The following DCC variants were observed in gnomAD, a reference collection of about 807,000 sequenced individuals.
DCC encodes the protein netrin receptor DCC.
DCC carries 58 observed loss-of-function variants against 172.5 expected under a neutral mutation model. The ratio of observed to expected loss-of-function variants is 0.34; its 90% CI spans 0.27 to 0.42. The LOEUF is 0.42. Among genes scored for constraint, DCC ranks in the 10% least tolerant of loss-of-function variants. The probability of loss-of-function intolerance (pLI) is 1.00; values close to 1 mark genes in which losing one functional copy is unlikely to be tolerated. For synonymous variants in DCC, 709 were observed against 644.5 expected (o/e 1.10, Z -1.52); for missense variants, 1,740 against 1,791.0 (o/e 0.97, Z 0.51).
At chr18:53,521,794 A>T (rs930929498) in intron 27 of DCC, among the ~76,000 whole-genome samples, 9 of 152,150 alleles carry the variant, frequency 5.9e-5, no homozygotes, top group Non-Finnish European at 1.2e-4. Flanking sequence ...TGAAAAATTT[A>T]AAATAAAATA....
At position 52,815,773 on chromosome 18, in the gene DCC, A is replaced by G. The variant is rs148158873; in HGVS notation, c.412+63399A>G. ...AGTAATAATGATTTATTAGATAACT[A>G]TGATATATCTCCAATGATATAGGAC... is the stretch of plus-strand genomic sequence containing the variant. On this transcript the variant is annotated intron_variant, in intron 2 of 28. Transcript: ENST00000442544. Among the ~76,000 whole-genome samples the G allele has an allele frequency of 1.1e-4, 16 of 152,340 alleles. No homozygotes were observed. In the East Asian group the frequency reaches 1.3e-3, roughly 13 times the overall value.
At chr18:53,307,305 T>A (rs1568044715) in intron 13 of DCC, among the ~76,000 whole-genome samples, 2 of 152,136 alleles carry the variant, frequency 1.3e-5, no homozygotes, top group Non-Finnish European at 2.9e-5. Flanking sequence ...ATGTTTTTCT[T>A]TTTCCCCTGA....
chr18:53,128,864 C>CATATATAT (rs1253869249), intron 7 of DCC, among the ~76,000 whole-genome samples: 7 of 72,120 alleles, frequency 9.7e-5, no homozygotes, highest in African/African-American at 3.4e-4. Flanking sequence ...CACACACACA[C>CATATATAT]ACACACATAT....
intron 15 of DCC, among the ~76,000 whole-genome samples, chr18:53,358,527 TCTC>T (rs1333393879): frequency 4.9e-5 from 6 of 121,452 alleles, no homozygotes; most frequent in Non-Finnish European, 1.0e-4. Context: ...ATATTCTCTC[TCTC>T]TTTTTTTTTT....
intron 7 of DCC, among the ~76,000 whole-genome samples, chr18:53,122,801 G>A (rs17406589): frequency 0.12 from 17,496 of 152,038 alleles, 1,135 homozygotes; most frequent in African/African-American, 0.13. Context: ...TAGTGTGAAA[G>A]CCCTATTTTG....
rs73463164 is a variant in DCC, at chr18:53,021,053, A to G, written c.986-42252A>G. 2.2e-3 allele frequency among the ~76,000 whole-genome samples: 336 copies of G among 152,286 alleles called. 5 individuals carry two copies. Among genetic ancestry groups the G allele is most frequent in the African/African-American group, 7.7e-3 (320 of 41,556 alleles). ...GAGCAGAGAGGAAAATATCCTGACC[A>G]TCCTCTCACCTTCTACTGATTTCTC... On this transcript the variant is annotated intron_variant, in intron 5 of 28. Transcript: ENST00000442544.
chr18:53,332,818 T>C (rs146186164), intron 14 of DCC, among the ~76,000 whole-genome samples: 408 of 152,136 alleles, frequency 2.7e-3, no homozygotes, highest in Non-Finnish European at 5.0e-3. Flanking sequence ...TACCACTAAG[T>C]AAATGTTGCT....
At chr18:52,897,444 C>G (rs2039747575) in intron 2 of DCC, among the ~76,000 whole-genome samples, 1 of 152,178 alleles carries the variant, frequency 6.6e-6, no homozygotes, top group African/African-American at 2.4e-5. Flanking sequence ...CTGCAATACT[C>G]TATTCAAACA....
intron 15 of DCC, among the ~76,000 whole-genome samples, chr18:53,351,398 A>T (rs373439094): frequency 0.023 from 320 of 14,068 alleles, 27 homozygotes; most frequent in South Asian, 0.12. Flanking sequence ...ATATATATAC[A>T]GTGTATATAT....
chr18:53,155,240 T>C (rs929311632), intron 7 of DCC, among the ~76,000 whole-genome samples: 2 of 152,116 alleles, frequency 1.3e-5, no homozygotes, highest in Non-Finnish European at 2.9e-5. Flanking sequence ...GAAGTTTAAC[T>C]CATGGCAGTG....
At chr18:52,433,730 AT>A (rs1279740322) in intron 1 of DCC, among the ~76,000 whole-genome samples, 2 of 152,296 alleles carry the variant, frequency 1.3e-5, no homozygotes, top group East Asian at 3.9e-4. Context: ...CCCTTTTTAA[AT>A]CTGATTATTT....
chr18:52,703,393 G>A lies in DCC; in HGVS notation c.92-48661G>A, dbSNP rs116493924. Among the ~76,000 whole-genome samples the A allele has an allele frequency of 6.0e-3, 915 of 152,188 alleles. 12 individuals carry two copies. The highest frequency in any genetic ancestry group is 0.021 in the African/African-American group (878 of 41,534). On this transcript the variant is annotated intron_variant, in intron 1 of 28. Transcript: ENST00000442544. ...AGCAAATATCATTAATGACCTTCCA[G>A]TTGTCAAATCTGATGTTCTCTTCTC...
In DCC at chr18:52,907,943, C is replaced by T. The variant is rs140746564; in HGVS notation, c.697+1615C>T. The stretch of plus-strand genomic sequence containing the variant: ...TTTTACTTTCTCTTCTCTGGGAAAT[C>T]CCTAAGACACTGGCCTCATTTTGCG... On this transcript the variant is annotated intron_variant, in intron 3 of 28. Coordinates refer to ENST00000442544, the MANE Select transcript of DCC (RefSeq NM_005215.4). 3.9e-5 allele frequency among the ~76,000 whole-genome samples: 6 copies of T among 152,278 alleles called. No individual in the cohort carries two copies. The East Asian group carries it at 1.2e-3, about 29-fold the overall frequency.
intron 1 of DCC, among the ~76,000 whole-genome samples, chr18:52,629,139 C>T (rs7233941): frequency 0.015 from 2,232 of 152,268 alleles, 51 homozygotes; most frequent in African/African-American, 0.051. Flanking sequence ...ATTAATCAGG[C>T]TTTTCAAGAA....
intron 15 of DCC, among the ~76,000 whole-genome samples, chr18:53,358,081 G>T (rs1480615550): frequency 6.6e-6 from 1 of 151,958 alleles, no homozygotes; most frequent in Non-Finnish European, 1.5e-5. Flanking sequence ...TTATTTCTGT[G>T]TGCCAATAGT....
chr18:53,509,245 T>TA (rs1164666156), intron 27 of DCC, among the ~76,000 whole-genome samples: 2 of 152,256 alleles, frequency 1.3e-5, no homozygotes, highest in Non-Finnish European at 2.9e-5. Context: ...TGAGCACATG[T>TA]AAAACACTAC....
chr18:53,468,335 A>C (rs1290383522), intron 25 of DCC, among the ~76,000 whole-genome samples: 1 of 49,900 alleles, frequency 2.0e-5, no homozygotes, highest in African/African-American at 5.8e-5. Flanking sequence ...TCATCTCCAT[A>C]GTTTATTTTT....
At chr18:52,786,996 A>G (rs1481971585) in intron 2 of DCC, among the ~76,000 whole-genome samples, 3 of 152,176 alleles carry the variant, frequency 2.0e-5, no homozygotes, top group African/African-American at 7.2e-5. Flanking sequence ...ACTCACAGAT[A>G]GTTTCCAATT....
chr18:53,077,325 TC>T (rs928589827), intron 7 of DCC, among the ~76,000 whole-genome samples: 11 of 152,150 alleles, frequency 7.2e-5, no homozygotes, highest in African/African-American at 2.7e-4. Flanking sequence ...TTTGGGGCTA[TC>T]CCTCACTGAG....
Sources: allele counts gnomAD v4.1 joint callset (sites outside exome capture counted in the v4.1 genomes callset), GRCh38; gene constraint gnomAD v4.1.1; transcripts MANE v1.5; gene names NCBI Gene and HGNC (gene_info 2026-07-23, HGNC 2026-07-21).